ENTREP1: variants seen among roughly 807,000 people sequenced by gnomAD.
The protein encoded by ENTREP1 is Friedreich ataxia region gene X123.
At chr9:69,340,984 T>C in the ENTREP1 span, among the ~76,000 whole-genome samples, 1 of 152,194 alleles carries the variant, frequency 6.6e-6, no homozygotes, top group South Asian at 2.1e-4. Context: ...CCTCAAAGAT[T>C]GTCTGGTCTA....
At chr9:69,375,018 G>T in the ENTREP1 span, among the ~76,000 whole-genome samples, 4 of 152,184 alleles carry the variant, frequency 2.6e-5, no homozygotes, top group African/African-American at 9.7e-5. Context: ...ATTGGTATTC[G>T]TGATCATTTG....
chr9:69,367,706 T>A, the ENTREP1 span, among the ~76,000 whole-genome samples: 41 of 91,894 alleles, frequency 4.5e-4, 1 homozygote, highest in East Asian at 7.6e-3. Context: ...TATATATAAA[T>A]ATATATATAC....
chr9:69,379,716 T>G, the ENTREP1 span: 1 of 152,166 alleles, frequency 6.6e-6, no homozygotes, highest in Non-Finnish European at 1.5e-5. Flanking sequence ...ATAAGAAGAA[T>G]TCTTTGACAC....
the ENTREP1 span, among the ~76,000 whole-genome samples, chr9:69,350,757 A>G: frequency 6.6e-6 from 1 of 152,012 alleles, no homozygotes; most frequent in Admixed American, 6.5e-5. Context: ...TCCTGGGTTC[A>G]AAATAATTTT....
chr9:69,367,838 CATAT>C, the ENTREP1 span, among the ~76,000 whole-genome samples: 5 of 95,698 alleles, frequency 5.2e-5, no homozygotes, highest in African/African-American at 9.6e-5. Context: ...TATATATACA[CATAT>C]ATATATAAAT....
At chr9:69,360,060 A>G in the ENTREP1 span, among the ~76,000 whole-genome samples, 2 of 151,558 alleles carry the variant, frequency 1.3e-5, no homozygotes, top group Admixed American at 1.3e-4. Flanking sequence ...AGTGAGTTTC[A>G]GTAATTTGCT....
At chr9:69,337,428 CTT>C in the ENTREP1 span, among the ~76,000 whole-genome samples, 1 of 152,206 alleles carries the variant, frequency 6.6e-6, no homozygotes, top group South Asian at 2.1e-4. Context: ...TATATTATCT[CTT>C]TGTCACATAA....
At chr9:69,328,371 G>A in the ENTREP1 span, among the ~76,000 whole-genome samples, 11 of 152,118 alleles carry the variant, frequency 7.2e-5, no homozygotes, top group Non-Finnish European at 1.5e-4. Context: ...TGGGCAGTCC[G>A]AAGAACCATT....
At chr9:69,335,264 G>A in the ENTREP1 span, among the ~76,000 whole-genome samples, 1 of 152,182 alleles carries the variant, frequency 6.6e-6, no homozygotes, top group South Asian at 2.1e-4. Flanking sequence ...GTAATTCAGA[G>A]ACACATCCCT....
At chr9:69,373,056 G>A in the ENTREP1 span, among the ~76,000 whole-genome samples, 2 of 151,228 alleles carry the variant, frequency 1.3e-5, no homozygotes, top group African/African-American at 2.4e-5. Flanking sequence ...TTGAGTTATA[G>A]AAGTTCTTTA....
the ENTREP1 span, among the ~76,000 whole-genome samples, chr9:69,337,300 G>A: frequency 1.1e-4 from 17 of 152,076 alleles, no homozygotes; most frequent in Admixed American, 2.6e-4. Flanking sequence ...GAGCCACCGC[G>A]CCTGGACTCC....
the ENTREP1 span, among the ~76,000 whole-genome samples, chr9:69,379,157 A>G: frequency 3.3e-5 from 5 of 152,108 alleles, no homozygotes; most frequent in African/African-American, 1.2e-4. Flanking sequence ...ACATGTAGAG[A>G]CTTATCAAAC....
the ENTREP1 span, chr9:69,377,789 G>A: frequency 2.4e-5 from 38 of 1,562,748 alleles, no homozygotes; most frequent in East Asian, 8.6e-4. Context: ...GATGCTGTGG[G>A]TTCTGAAGAC....
the ENTREP1 span, among the ~76,000 whole-genome samples, chr9:69,349,409 G>T: frequency 2.0e-5 from 3 of 152,066 alleles, no homozygotes; most frequent in African/African-American, 7.2e-5. Context: ...GTGTTTGAAG[G>T]TTCTAGTTTC....
chr9:69,344,951 G>A, the ENTREP1 span, among the ~76,000 whole-genome samples: 675 of 152,208 alleles, frequency 4.4e-3, 6 homozygotes, highest in African/African-American at 0.016. Context: ...GGTTTCTCTT[G>A]TTCCTAACAT....
At chr9:69,341,182 G>A in the ENTREP1 span, among the ~76,000 whole-genome samples, 1 of 152,112 alleles carries the variant, frequency 6.6e-6, no homozygotes, top group Middle Eastern at 3.4e-3. Context: ...TGTGAGTTTT[G>A]TTATTTTTTT....
the ENTREP1 span, chr9:69,375,746 G>A: frequency 5.0e-6 from 8 of 1,612,898 alleles, no homozygotes; most frequent in Admixed American, 1.7e-5. Context: ...GTGGACTTAG[G>A]TGAAGGCAAG....
the ENTREP1 span, among the ~76,000 whole-genome samples, chr9:69,340,682 C>G: frequency 6.2e-5 from 1 of 16,260 alleles, no homozygotes; most frequent in Non-Finnish European, 1.5e-4. Context: ...TGTGTGCATG[C>G]ATGTGTGTGT....
the ENTREP1 span, among the ~76,000 whole-genome samples, chr9:69,373,995 C>A: frequency 2.0e-5 from 3 of 152,218 alleles, no homozygotes; most frequent in South Asian, 6.2e-4. Context: ...CTAAAAAGTT[C>A]TTTAGTGTCT....
Sources: gnomAD v4.1 joint callset for allele counts (sites outside exome capture counted in the v4.1 genomes callset) on GRCh38, gnomAD v4.1.1 for gene constraint, MANE v1.5 for transcripts, NCBI Gene and HGNC (gene_info 2026-07-23, HGNC 2026-07-21) for gene names.